ADCY5: variants seen among roughly 807,000 people sequenced by gnomAD.
ADCY5 encodes adenylate cyclase type 5.
A neutral mutation model predicts 119.7 loss-of-function variants in ADCY5; 30 were observed. That is an observed-to-expected ratio of 0.25 (90% confidence interval 0.19 to 0.34). The LOEUF is 0.34. ADCY5 is among the 10% of genes least tolerant of loss of function. The probability of loss-of-function intolerance (pLI) is 1.00; values close to 1 mark genes in which losing one functional copy is unlikely to be tolerated. For missense variants in ADCY5, 1,324 were observed against 1,775.2 expected (o/e 0.75, Z 4.57); for synonymous variants, 753 against 762.2 (o/e 0.99, Z 0.20).
At chr3:123,330,209 C>T (rs780259815) in intron 5 of ADCY5, among the ~76,000 whole-genome samples, 5 of 152,218 alleles carry the variant, frequency 3.3e-5, no homozygotes, top group East Asian at 1.9e-4. Flanking sequence ...CAGCCACTCC[C>T]GCCTCTGACC....
chr3:123,446,369 A>T (rs1458537649), intron 1 of ADCY5, among the ~76,000 whole-genome samples: 1 of 152,198 alleles, frequency 6.6e-6, no homozygotes, highest in African/African-American at 2.4e-5. Flanking sequence ...CAGTGGGCAG[A>T]TGTGTGCACT....
In ADCY5 at chr3:123,300,223, G is replaced by C. The variant is rs1939764175; in HGVS notation, c.2797C>G (p.Leu933Val). The C allele has an allele frequency of 6.2e-7, 1 of 1,613,690 alleles. No homozygotes were observed. The highest frequency in any genetic ancestry group is 1.7e-5 in the Admixed American group (1 of 60,016). Residue 933 changes from leucine to valine, a missense_variant, in exon 15 of 21, where the codon CTG (leucine) becomes GTG (valine). Leu to Val is a conservative substitution (Grantham distance 32). This residue lies in a region of ADCY5 where 424 missense variants were observed against 546.8 expected (regional missense o/e 0.78). Coordinates refer to ENST00000462833, the MANE Select transcript of ADCY5 (RefSeq NM_183357.3). ...AGCTCGATGGCCAGCATGAGCACCA[G>C]CTTCCCGATGCAGCTGATCTGCAGG... ...VFLQISCIGK[L>V]VLMLAIELIY...
chr3:123,344,544 G>C (rs1363666049), intron 3 of ADCY5, among the ~76,000 whole-genome samples: 3 of 152,210 alleles, frequency 2.0e-5, no homozygotes, highest in Admixed American at 2.0e-4. Flanking sequence ...CTGAGGTTCA[G>C]AGTGGCTCAA....
At chr3:123,384,791 T>C (rs1191643249) in intron 1 of ADCY5, among the ~76,000 whole-genome samples, 1 of 152,042 alleles carries the variant, frequency 6.6e-6, no homozygotes, top group East Asian at 1.9e-4. Context: ...TTGGGAAGCA[T>C]GAAGAGGCCA....
rs746474779 is a variant in ADCY5 at position 123,286,799 on chromosome 3, G to A, written c.3543C>T (p.Ile1181=). 1.7e-5 allele frequency: 27 copies of A among 1,605,682 alleles called. No individual in the cohort carries two copies. Among genetic ancestry groups the A allele is most frequent in the African/African-American group, 1.6e-4 (12 of 74,584 alleles). ...CTATCACCCCGGCCACCACGGGGCC[G>A]ATGTTGAGCCCTGCAGGGGACAGGA... is the stretch of plus-strand genomic sequence containing the variant. ...NNFQMKIGLN[I]GPVVAGVIGA... Residue 1181 remains isoleucine (I), a synonymous_variant, in exon 20 of 21, where the codon ATC becomes ATT. Coordinates refer to ENST00000462833, the MANE Select transcript of ADCY5 (RefSeq NM_183357.3). The surrounding 1 kb of genome is among the most constrained non-coding windows in gnomAD (Gnocchi z 4.2).
Position 123,282,988 on chromosome 3 carries a change from T to C in ADCY5, c.*1620A>G, listed in dbSNP as rs1267636894. On this transcript the variant is annotated 3_prime_UTR_variant, in exon 21 of 21. Coordinates refer to ENST00000462833, the MANE Select transcript of ADCY5 (RefSeq NM_183357.3). ...TATCATTTTCCAAATGTCTTCCTCA[T>C]AGGTTATAAAAATAGTATTTTTTTC... The C allele has an allele frequency of 1.3e-5, 2 of 152,226 alleles. No individual in the cohort carries two copies. The highest frequency in any genetic ancestry group is 2.9e-5 in the Non-Finnish European group (2 of 68,042). 9.4% of individuals were successfully genotyped at this position (152,226 alleles called of 1,614,324 possible). A position where few individuals can be genotyped will look rare whatever the true frequency, so the allele number is the denominator to read the frequency against.
At chr3:123,304,787 A>T (rs1158154271) in intron 12 of ADCY5, among the ~76,000 whole-genome samples, 1 of 152,084 alleles carries the variant, frequency 6.6e-6, no homozygotes, top group Non-Finnish European at 1.5e-5. Flanking sequence ...CTTCCACCAG[A>T]CAAACCATGT....
chr3:123,298,704 C>T (rs1172648955), intron 15 of ADCY5, among the ~76,000 whole-genome samples: 1 of 152,150 alleles, frequency 6.6e-6, no homozygotes, highest in Non-Finnish European at 1.5e-5. Context: ...GTGGCTGGCA[C>T]ATAGCAGGCC....
intron 1 of ADCY5, among the ~76,000 whole-genome samples, chr3:123,405,457 TTC>T (rs775567530): frequency 3.9e-5 from 6 of 152,094 alleles, no homozygotes; most frequent in Non-Finnish European, 7.4e-5. Context: ...ACCAACTTGG[TTC>T]TCTCCTTTAG....
chr3:123,417,357 T>C (rs566975810), intron 1 of ADCY5, among the ~76,000 whole-genome samples: 1 of 152,342 alleles, frequency 6.6e-6, no homozygotes, highest in African/African-American at 2.4e-5. Context: ...GGCTCCCTAA[T>C]GGGGCAGTGA....
intron 12 of ADCY5, among the ~76,000 whole-genome samples, chr3:123,307,892 G>A (rs545355667): frequency 5.3e-5 from 8 of 152,054 alleles, no homozygotes; most frequent in Non-Finnish European, 8.8e-5. Flanking sequence ...ATCCAGAGGC[G>A]AGGAGAAGAA....
chr3:123,380,281 G>A (rs1332307994), intron 1 of ADCY5, among the ~76,000 whole-genome samples: 1 of 152,192 alleles, frequency 6.6e-6, no homozygotes, highest in African/African-American at 2.4e-5. Flanking sequence ...CTTGAGTAGG[G>A]GAAAGTGACC....
intron 17 of ADCY5, among the ~76,000 whole-genome samples, chr3:123,292,844 C>T (rs1939241565): frequency 6.6e-6 from 1 of 152,230 alleles, no homozygotes; most frequent in African/African-American, 2.4e-5. Context: ...TGCTGAGACA[C>T]ATGCCTGGGG....
At chr3:123,359,796 T>A (rs1943182894) in intron 1 of ADCY5, among the ~76,000 whole-genome samples, 1 of 152,166 alleles carries the variant, frequency 6.6e-6, no homozygotes, top group African/African-American at 2.4e-5. Context: ...GTTCTAGTCC[T>A]TTGTCGGTTT....
chr3:123,333,752 C>A (rs1941892715), intron 3 of ADCY5, among the ~76,000 whole-genome samples: 3 of 152,214 alleles, frequency 2.0e-5, no homozygotes, highest in Admixed American at 1.3e-4. Flanking sequence ...GGAAGAGAAG[C>A]CTTTTATACC....
intron 12 of ADCY5, among the ~76,000 whole-genome samples, chr3:123,313,361 C>A (rs1188383627): frequency 6.6e-6 from 1 of 152,210 alleles, no homozygotes; most frequent in Non-Finnish European, 1.5e-5. Flanking sequence ...GTGCTCACTG[C>A]AGAAGAGGGT....
intron 1 of ADCY5, among the ~76,000 whole-genome samples, chr3:123,439,948 A>G (rs542456891): frequency 1.3e-5 from 2 of 152,354 alleles, no homozygotes; most frequent in East Asian, 3.9e-4. Flanking sequence ...GAAGGCACAC[A>G]TTTTAAATTG....
At position 123,346,607 on chromosome 3, in the gene ADCY5, TTCTCTC is replaced by T. The variant is rs72299981; in HGVS notation, c.1406+1169_1406+1174del. Among the ~76,000 whole-genome samples the T allele has an allele frequency of 6.2e-3, 796 of 128,156 alleles. 7 individuals carry two copies. Among genetic ancestry groups the T allele is most frequent in the African/African-American group, 0.017 (662 of 37,930 alleles). 84.1% of individuals were successfully genotyped at this position (128,156 alleles called of 152,430 possible). On this transcript the variant is annotated intron_variant, in intron 3 of 20. Coordinates refer to ENST00000462833, the MANE Select transcript of ADCY5 (RefSeq NM_183357.3). ...CACCCCTACTGCTGTCAGCCTCACC[TTCTCTC>T]TCTCTCTCTCTCTCTCTCTCTCTCT...
intron 1 of ADCY5, chr3:123,419,057 C>T (rs558296581): frequency 5.1e-5 from 40 of 785,854 alleles, no homozygotes; most frequent in Middle Eastern, 1.3e-3. Context: ...GTCTCCGTAA[C>T]GGCATGAGCC....
Sources: allele counts gnomAD v4.1 joint callset (sites outside exome capture counted in the v4.1 genomes callset), GRCh38; gene constraint gnomAD v4.1.1; regional missense constraint gnomAD v4.1.1; non-coding constraint Gnocchi (gnomAD v3.1); transcripts MANE v1.5; gene names NCBI Gene and HGNC (gene_info 2026-07-23, HGNC 2026-07-21).